Variants in THAP9 observed in about 807,000 individuals in gnomAD.
THAP9 encodes the protein THAP domain containing 9.
Under a neutral mutation model 35.7 loss-of-function variants are expected in THAP9, and 20 were observed. The ratio of observed to expected loss-of-function variants is 0.56; its 90% CI spans 0.39 to 0.81. THAP9 has a LOEUF of 0.81. Ranked by LOEUF, THAP9 falls within the 40% of genes least tolerant of loss-of-function variation. The pLI is 0.00. For synonymous variants in THAP9, 335 were observed against 373.7 expected (o/e 0.90, Z 1.19); for missense variants, 870 against 1,047.4 (o/e 0.83, Z 2.34).
intron 2 of THAP9, 78 bp downstream of exon 2, chr4:82,905,009 T>C (rs1720584258): frequency 2.1e-6 from 3 of 1,396,142 alleles, no homozygotes; most frequent in Admixed American, 4.7e-5. Context: ...CCATTATAGC[T>C]AGAATTTGCA....
At chr4:82,916,069 C>T (rs1721024124) in intron 4 of THAP9, among the ~76,000 whole-genome samples, 1 of 152,172 alleles carries the variant, frequency 6.6e-6, no homozygotes, top group Admixed American at 6.5e-5. Flanking sequence ...AGGAAGAAGC[C>T]TTGGTTGCCT....
At position 82,917,213 on chromosome 4, in the gene THAP9, G is replaced by A. The variant is rs780706065; in HGVS notation, c.1001G>A (p.Arg334Lys). 1.2e-6 allele frequency: 2 copies of A among 1,614,006 alleles called. No individual in the cohort carries two copies. The highest frequency in any genetic ancestry group is 1.6e-4 in the Middle Eastern group (1 of 6,084). Residue 334 changes from arginine (R) to lysine (K), a missense_variant, in exon 5 of 5, where the codon AGA becomes AAA. Arg to Lys is a conservative substitution (Grantham distance 26, BLOSUM62 2). Around this residue, in one of 3 missense-constraint regions of THAP9, gnomAD observed 440 missense variants for 501.2 expected, o/e 0.88. Coordinates refer to ENST00000302236, the MANE Select transcript of THAP9 (RefSeq NM_024672.6). ...GCAGTGGGTATTTTTGGCCATTGGA[G>A]AACACCTCTTGGTTATTTTTTTGTA... ...LMAVGIFGHW[R>K]TPLGYFFVNR...
chr4:82,913,237 G>A (rs1014920577), intron 4 of THAP9: 1 of 152,050 alleles, frequency 6.6e-6, no homozygotes, highest in Non-Finnish European at 1.5e-5. Flanking sequence ...GTACCATTCT[G>A]CTTCATGTTC....
At chr4:82,908,638 C>T (rs1720748970) in intron 4 of THAP9, among the ~76,000 whole-genome samples, 1 of 152,180 alleles carries the variant, frequency 6.6e-6, no homozygotes, top group Non-Finnish European at 1.5e-5. Context: ...ACCCAGGCTG[C>T]ATGCAGCACA....
chr4:82,905,962 A>G lies in THAP9; in HGVS notation c.277-362A>G, dbSNP rs76911263. On this transcript the variant is annotated intron_variant, in intron 2 of 4. Transcript: ENST00000302236. ...ATTCCAAAGCCATGCACTGTCCACT[A>G]TGCCTTCTTTTTTGCACAAATAACT... 2.3e-4 allele frequency: 104 copies of G among 456,616 alleles called. No homozygotes were observed. In the East Asian group the frequency reaches 6.3e-3, roughly 28 times the overall value. The allele number at this position is 456,616 out of a possible 1,614,324, so 28.3% of individuals were successfully genotyped here.
intron 1 of THAP9, among the ~76,000 whole-genome samples, chr4:82,902,111 T>TC (rs993753467): frequency 4.2e-5 from 6 of 143,482 alleles, no homozygotes; most frequent in Admixed American, 2.8e-4. Flanking sequence ...CCTTCTTTTT[T>TC]TTTTTTTTTT....
intron 4 of THAP9, among the ~76,000 whole-genome samples, chr4:82,909,176 A>AT (rs974086673): frequency 6.6e-6 from 1 of 152,090 alleles, no homozygotes; most frequent in African/African-American, 2.4e-5. Context: ...AAGTGCTGGG[A>AT]TTACAGACAT....
chr4:82,915,832 T>C (rs1213111331), intron 4 of THAP9, among the ~76,000 whole-genome samples: 1 of 152,126 alleles, frequency 6.6e-6, no homozygotes, highest in African/African-American at 2.4e-5. Flanking sequence ...GTATTTTCTC[T>C]CCATGCATTT....
In THAP9 at chr4:82,917,842, A is replaced by C. The variant is rs759153144; in HGVS notation, c.1630A>C (p.Asn544His). 1.2e-5 allele frequency: 20 copies of C among 1,613,522 alleles called. No homozygotes were observed. In the Admixed American group the frequency reaches 3.3e-4, roughly 27 times the overall value. ...PLLPETYSKINHVLIEAKTIF... is the reference protein window; with the variant it reads ...PLLPETYSKIHHVLIEAKTIF... ...GTTGCCTGAAACTTACAGTAAAATA[A>C]ACCACGTGTTAATTGAAGCCAAGAC... The change falls in exon 5 of 5, where the codon AAC becomes CAC. Residue 544 changes from asparagine to histidine, a missense_variant. Around this residue, in one of 3 missense-constraint regions of THAP9, gnomAD observed 414 missense variants for 500.8 expected, o/e 0.83. Transcript: ENST00000302236.
chr4:82,915,700 C>T (rs1721013263), intron 4 of THAP9, among the ~76,000 whole-genome samples: 1 of 151,914 alleles, frequency 6.6e-6, no homozygotes, highest in Non-Finnish European at 1.5e-5. Flanking sequence ...TCTAGGACAC[C>T]CCCAACTTGT....
intron 3 of THAP9, 25 bp downstream of exon 3, chr4:82,906,652 T>C (rs1166978581): frequency 6.5e-7 from 1 of 1,527,514 alleles, no homozygotes; most frequent in Non-Finnish European, 8.8e-7. Flanking sequence ...TAACCTGTAG[T>C]ATTTACAAAA....
At position 82,917,308 on chromosome 4, in the gene THAP9, A is replaced by G. The variant is rs751537124; in HGVS notation, c.1096A>G (p.Ile366Val). The G allele has an allele frequency of 6.2e-7, 1 of 1,614,044 alleles. No individual in the cohort carries two copies. Among genetic ancestry groups the G allele is most frequent in the Non-Finnish European group, 8.5e-7 (1 of 1,179,934 alleles). Residue 366 changes from isoleucine (I) to valine (V), a missense_variant, in exon 5 of 5, where the codon ATC becomes GTC. This residue lies in a region of THAP9 where 440 missense variants were observed against 501.2 expected (regional missense o/e 0.88). Coordinates refer to ENST00000302236, the MANE Select transcript of THAP9 (RefSeq NM_024672.6). ...TATTGGTAAACTGAGTGACATAGGA[A>G]TCACAGTTCTGGCTGTTACATCTGA... ...LTIGKLSDIG[I>V]TVLAVTSDAT...
Position 82,918,903 on chromosome 4 carries a change from C to CTT in THAP9, c.2691_2692insTT (p.Asp898LeufsTer14), listed in dbSNP as rs750829485. On this transcript the variant is annotated frameshift_variant, in exon 5 of 5. Transcript: ENST00000302236. LOFTEE classifies it high-confidence loss of function. ...GTAAATTCAGGCATTTGCTAAGTAA[C>CTT]GATGGATATCCATTCAAATGAGAGA... The CTT allele has an allele frequency of 1.0e-5, 16 of 1,595,776 alleles. No individual in the cohort carries two copies. Among genetic ancestry groups the CTT allele is most frequent in the Non-Finnish European group, 1.3e-5 (15 of 1,170,954 alleles).
At position 82,918,937 on chromosome 4, in the gene THAP9, A is replaced by T. The variant is rs758782049; in HGVS notation, c.*13A>T. On this transcript the variant is annotated 3_prime_UTR_variant, in exon 5 of 5. Transcript: ENST00000302236. ...TCCATTCAAATGAGAGACCTAAAAT[A>T]TATTAACATTTTAATTAAGAATACT... The T allele has an allele frequency of 3.3e-6, 5 of 1,518,316 alleles. No homozygotes were observed. The Admixed American group carries it at 1.1e-4, about 33-fold the overall frequency. The allele number at this position is 1,518,316 out of a possible 1,614,324, so 94.1% of individuals were successfully genotyped here.
rs1385074349 is a variant in THAP9, at chr4:82,907,803, A to G, written c.599A>G (p.Tyr200Cys). The change falls in exon 4 of 5, where the codon TAT (tyrosine) becomes TGT (cysteine). Residue 200 changes from tyrosine to cysteine, a missense_variant. Transcript: ENST00000302236. The stretch of plus-strand genomic sequence containing the variant: ...TTAACAGATTTTAAGTGGGAGTTAT[A>G]TAATTGGAGAGAAACAGATGAGTAC... ...AQFSDFKWEL[Y>C]NWRETDEYSA... is the part of the protein sequence containing the mutation. 1.1e-5 allele frequency: 17 copies of G among 1,586,450 alleles called. No individual in the cohort carries two copies. The highest frequency in any genetic ancestry group is 3.6e-5 in the South Asian group (3 of 83,286).
chr4:82,912,427 A>G (rs537588024), intron 4 of THAP9, among the ~76,000 whole-genome samples: 4 of 152,324 alleles, frequency 2.6e-5, no homozygotes, highest in African/African-American at 9.6e-5. Flanking sequence ...ACAGAAAAAC[A>G]TTTAGCACTG....
At position 82,904,836 on chromosome 4, in the gene THAP9, C is replaced by G; in HGVS notation, c.181C>G (p.Leu61Val). 6.2e-7 allele frequency: 1 copy of G among 1,614,022 alleles called. No individual in the cohort carries two copies. Among genetic ancestry groups the G allele is most frequent in the African/African-American group, 1.3e-5 (1 of 75,024 alleles). The change falls in exon 2 of 5, where the codon CTG (leucine) becomes GTG (valine). Residue 61 changes from leucine to valine, a missense_variant. Around this residue, in one of 3 missense-constraint regions of THAP9, gnomAD observed 440 missense variants for 501.2 expected, o/e 0.88. Transcript: ENST00000302236. ...TTGGATTCCAGGACCAGGTGCTATA[C>G]TGTGTTCCAAACATTTTCAAGAAAG... ...KIWIPGPGAI[L>V]CSKHFQESDF...
chr4:82,918,255 C>G lies in THAP9; in HGVS notation c.2043C>G (p.Ser681Arg). The change falls in exon 5 of 5, where the codon AGC (serine) becomes AGG (arginine). Residue 681 changes from serine to arginine, a missense_variant. By Grantham distance (110) the Ser-to-Arg change is moderately radical. Coordinates refer to ENST00000302236, the MANE Select transcript of THAP9 (RefSeq NM_024672.6). ...CAGTTCAACGTCAGTATGGTGTCAG[C>G]GTTACAAAGACTGTCTTTCACGAAG... ...LWTVQRQYGV[S>R]VTKTVFHEEG... 1 of 1,614,134 alleles carries G rather than the reference C, an allele frequency of 6.2e-7. No individual in the cohort carries two copies.
intron 2 of THAP9, 88 bp downstream of exon 2, chr4:82,905,019 A>G: frequency 2.3e-6 from 3 of 1,324,756 alleles, no homozygotes; most frequent in Non-Finnish European, 3.1e-6. Context: ...TAGAATTTGC[A>G]GACAAAAAAA....
Sources: allele counts gnomAD v4.1 joint callset (sites outside exome capture counted in the v4.1 genomes callset), GRCh38; gene constraint gnomAD v4.1.1; regional missense constraint gnomAD v4.1.1; transcripts MANE v1.5; gene names NCBI Gene and HGNC (gene_info 2026-07-23, HGNC 2026-07-21).